HDAC9: variants seen among roughly 807,000 people sequenced by gnomAD.
HDAC9 encodes the protein histone deacetylase 9, also known as MEF-2 interacting transcription repressor (MITR) protein.
Under a neutral mutation model 139.4 loss-of-function variants are expected in HDAC9, and 41 were observed. The ratio of observed to expected loss-of-function variants is 0.29; its 90% confidence interval spans 0.23 to 0.38. The LOEUF is 0.38. HDAC9 is among the 10% of genes least tolerant of loss of function. HDAC9 has a pLI of 1.00. For missense variants in HDAC9, 1,147 were observed against 1,297.0 expected, an observed-to-expected ratio of 0.88 and a Z score of 1.78; for synonymous variants, 517 against 476.2, an observed-to-expected ratio of 1.09 and a Z score of -1.12.
chr7:18,600,332 A>G (rs542179744), intron 6 of HDAC9, among the ~76,000 whole-genome samples: 1 of 152,120 alleles, frequency 6.6e-6, no homozygotes, highest in Non-Finnish European at 1.5e-5. Context: ...TTCATCGATC[A>G]TGCTTTTAGT....
chr7:18,261,161 G>A (rs1795653570), intron 2 of HDAC9, among the ~76,000 whole-genome samples: 1 of 151,784 alleles, frequency 6.6e-6, no homozygotes, highest in African/African-American at 2.4e-5. Flanking sequence ...AAAAAAAATT[G>A]GGTGTGCATG....
At chr7:18,707,190 CAAG>C (rs944032239) in intron 12 of HDAC9, among the ~76,000 whole-genome samples, 2 of 152,140 alleles carry the variant, frequency 1.3e-5, no homozygotes, top group Admixed American at 6.5e-5. Flanking sequence ...GAGACTGTTT[CAAG>C]AAGGAGAGAA....
At chr7:18,631,021 A>G (rs868152449) in intron 7 of HDAC9, among the ~76,000 whole-genome samples, 8 of 152,018 alleles carry the variant, frequency 5.3e-5, no homozygotes, top group Admixed American at 1.3e-4. Flanking sequence ...AGTCATATTT[A>G]TTTATCCCAA....
At chr7:18,550,023 AT>A (rs552218842) in intron 2 of HDAC9, among the ~76,000 whole-genome samples, 4,347 of 139,588 alleles carry the variant, frequency 0.031, 214 homozygotes, top group African/African-American at 0.11. Context: ...GGCATTCTTT[AT>A]TTTTTTTTTA....
chr7:18,587,206 G>GAAAA (rs1829724434), intron 3 of HDAC9, among the ~76,000 whole-genome samples: 1 of 152,026 alleles, frequency 6.6e-6, no homozygotes, highest in African/African-American at 2.4e-5. Context: ...TACTCAAAAG[G>GAAAA]TAATAGTAGC....
intron 2 of HDAC9, among the ~76,000 whole-genome samples, chr7:18,532,850 A>G (rs1255132332): frequency 6.6e-6 from 1 of 151,850 alleles, no homozygotes; most frequent in Non-Finnish European, 1.5e-5. Context: ...ATATTTCTAA[A>G]TAACATATCC....
intron 12 of HDAC9, among the ~76,000 whole-genome samples, chr7:18,700,321 C>T (rs76570963): frequency 0.013 from 1,930 of 152,290 alleles, 49 homozygotes; most frequent in African/African-American, 0.044. Flanking sequence ...TCTTTATCGT[C>T]TTAACTTGAC....
intron 2 of HDAC9, among the ~76,000 whole-genome samples, chr7:18,199,787 C>G (rs940187483): frequency 1.3e-4 from 18 of 140,194 alleles, no homozygotes; most frequent in Non-Finnish European, 2.1e-4. Context: ...AAAGGCTGTG[C>G]TTAGTGTTGC....
chr7:18,206,641 GAAT>G (rs765701229), intron 2 of HDAC9, among the ~76,000 whole-genome samples: 6 of 152,102 alleles, frequency 3.9e-5, no homozygotes, highest in Non-Finnish European at 8.8e-5. Flanking sequence ...GGAAATTAAA[GAAT>G]AATAAGTTTG....
intron 12 of HDAC9, among the ~76,000 whole-genome samples, chr7:18,716,223 G>A (rs1784688866): frequency 6.6e-6 from 1 of 152,132 alleles, no homozygotes; most frequent in Admixed American, 6.5e-5. Context: ...CTAGGCCATT[G>A]TACAATTTCA....
At chr7:18,579,570 C>T (rs899857185) in intron 2 of HDAC9, among the ~76,000 whole-genome samples, 3 of 152,084 alleles carry the variant, frequency 2.0e-5, no homozygotes, top group African/African-American at 7.2e-5. Context: ...GTTCATATGT[C>T]GCATTGCCAG....
At chr7:18,577,291 G>A (rs3807917) in intron 2 of HDAC9, among the ~76,000 whole-genome samples, 51,863 of 151,966 alleles carry the variant, frequency 0.34, 9,776 homozygotes, top group East Asian at 0.48. Context: ...GTGCCTTGTA[G>A]AGTCCAATCA....
At chr7:18,399,002 TA>T (rs1291750214) in intron 1 of HDAC9, among the ~76,000 whole-genome samples, 1 of 152,172 alleles carries the variant, frequency 6.6e-6, no homozygotes, top group Non-Finnish European at 1.5e-5. Context: ...TTGATTGTAT[TA>T]AAAAATTTCA....
intron 2 of HDAC9, among the ~76,000 whole-genome samples, chr7:18,564,258 A>G (rs1821555628): frequency 6.6e-6 from 1 of 152,164 alleles, no homozygotes; most frequent in African/African-American, 2.4e-5. Flanking sequence ...AAAATTGTCC[A>G]TGGCTATAAA....
chr7:18,846,171 A>C (rs959400184), intron 21 of HDAC9, among the ~76,000 whole-genome samples: 20 of 152,278 alleles, frequency 1.3e-4, no homozygotes, highest in African/African-American at 4.8e-4. Flanking sequence ...TTAATTCTCA[A>C]TGTTCTTCTC....
chr7:18,306,184 A>G (rs1798895954), intron 1 of HDAC9, among the ~76,000 whole-genome samples: 1 of 152,224 alleles, frequency 6.6e-6, no homozygotes, highest in Non-Finnish European at 1.5e-5. Flanking sequence ...CAACAGGCAC[A>G]CAGGGTGAGG....
intron 8 of HDAC9, among the ~76,000 whole-genome samples, chr7:18,636,876 A>ATT (rs3214107): frequency 6.6e-6 from 1 of 150,828 alleles, no homozygotes. Flanking sequence ...CTTGGTTACA[A>ATT]TTTTTTTTTT....
intron 1 of HDAC9, among the ~76,000 whole-genome samples, chr7:18,363,036 A>C (rs923112259): frequency 6.6e-6 from 1 of 152,184 alleles, no homozygotes; most frequent in Non-Finnish European, 1.5e-5. Flanking sequence ...TAAACTCACT[A>C]ATAAGCATTT....
intron 2 of HDAC9, among the ~76,000 whole-genome samples, chr7:18,554,536 C>T (rs1289220810): frequency 6.6e-6 from 1 of 151,950 alleles, no homozygotes; most frequent in Admixed American, 6.6e-5. Context: ...GGGGTTTCAC[C>T]GTGTTAGCCA....
Sources: gnomAD v4.1 joint callset for allele counts (sites outside exome capture counted in the v4.1 genomes callset) on GRCh38, gnomAD v4.1.1 for gene constraint, MANE v1.5 for transcripts, NCBI Gene and HGNC (gene_info 2026-07-23, HGNC 2026-07-21) for gene names.